RIGI: variants seen among roughly 807,000 people sequenced by gnomAD.
RIGI encodes RNA sensor RIG-I, also known as antiviral innate immune response receptor RIG-I.
At chr9:32,462,727 C>G in the RIGI span, among the ~76,000 whole-genome samples, 1 of 152,094 alleles carries the variant, frequency 6.6e-6, no homozygotes. Flanking sequence ...CCCACTCCCC[C>G]TTTTTGAGAT....
the RIGI span, among the ~76,000 whole-genome samples, chr9:32,502,307 C>T: frequency 6.6e-6 from 1 of 152,232 alleles, no homozygotes; most frequent in Non-Finnish European, 1.5e-5. Flanking sequence ...AATAGACATG[C>T]TATGAACATT....
chr9:32,482,133 A>G, the RIGI span, among the ~76,000 whole-genome samples: 1 of 150,252 alleles, frequency 6.7e-6, no homozygotes, highest in Non-Finnish European at 1.5e-5. Flanking sequence ...TGTTCTCCCT[A>G]CCTCTTGCCT....
At chr9:32,468,265 ATGTG>A in the RIGI span, among the ~76,000 whole-genome samples, 1 of 152,236 alleles carries the variant, frequency 6.6e-6, no homozygotes, top group Non-Finnish European at 1.5e-5. Context: ...ACACCTTTAC[ATGTG>A]TGTAAGAATT....
the RIGI span, chr9:32,481,412 C>T: frequency 2.5e-5 from 40 of 1,613,336 alleles, no homozygotes; most frequent in African/African-American, 5.3e-4. Context: ...GCATCTGGAA[C>T]ACCATGCATG....
the RIGI span, chr9:32,489,265 C>T: frequency 4.2e-6 from 4 of 942,674 alleles, no homozygotes; most frequent in South Asian, 1.7e-5. Flanking sequence ...TGAAACTTGC[C>T]CATTCTGTCC....
chr9:32,488,189 C>T, the RIGI span: 71 of 1,613,806 alleles, frequency 4.4e-5, no homozygotes, highest in Non-Finnish European at 5.7e-5. Flanking sequence ...TCCAGAAATG[C>T]CTGTAACTCT....
chr9:32,488,755 G>A, the RIGI span: 1 of 1,609,196 alleles, frequency 6.2e-7, no homozygotes, highest in Non-Finnish European at 8.5e-7. Flanking sequence ...AAAGTATTTT[G>A]AGAATACAGA....
the RIGI span, chr9:32,488,935 T>C: frequency 6.7e-7 from 1 of 1,500,484 alleles, no homozygotes; most frequent in Non-Finnish European, 9.0e-7. Context: ...ATATATTAGA[T>C]ATTTCTCTGG....
the RIGI span, among the ~76,000 whole-genome samples, chr9:32,503,417 A>G: frequency 6.6e-6 from 1 of 152,102 alleles, no homozygotes; most frequent in Non-Finnish European, 1.5e-5. Flanking sequence ...AGTATTTCCC[A>G]CTGCCTTTGC....
At chr9:32,521,112 C>A in the RIGI span, among the ~76,000 whole-genome samples, 1 of 120,602 alleles carries the variant, frequency 8.3e-6, no homozygotes, top group Non-Finnish European at 1.6e-5. Context: ...ACCACTGTAG[C>A]CTGGGCAACA....
chr9:32,456,656 G>A, the RIGI span: 2 of 157,850 alleles, frequency 1.3e-5, no homozygotes, highest in Non-Finnish European at 2.8e-5. Flanking sequence ...CAAATGCGCA[G>A]AGGTCAAATA....
At chr9:32,467,356 A>C in the RIGI span, among the ~76,000 whole-genome samples, 1 of 151,820 alleles carries the variant, frequency 6.6e-6, no homozygotes, top group African/African-American at 2.4e-5. Flanking sequence ...TTAAGAAGAA[A>C]AGGAAAAAGG....
At chr9:32,459,350 C>G in the RIGI span, 1 of 1,610,300 alleles carries the variant, frequency 6.2e-7, no homozygotes, top group Non-Finnish European at 8.5e-7. Context: ...TGACCAGGCA[C>G]TTTGTAAAAA....
chr9:32,504,828 TAA>T, the RIGI span, among the ~76,000 whole-genome samples: 4 of 135,650 alleles, frequency 2.9e-5, no homozygotes, highest in African/African-American at 1.1e-4. Context: ...ATTTAATACA[TAA>T]AATATATAAA....
At chr9:32,475,823 C>T in the RIGI span, among the ~76,000 whole-genome samples, 1 of 152,194 alleles carries the variant, frequency 6.6e-6, no homozygotes, top group African/African-American at 2.4e-5. Context: ...ATATACTGAA[C>T]TTTGTCAAAA....
the RIGI span, chr9:32,459,456 G>A: frequency 6.2e-7 from 1 of 1,613,468 alleles, no homozygotes. Context: ...ATCAGGTACA[G>A]GTTTTGGTTT....
chr9:32,470,419 T>C, the RIGI span, among the ~76,000 whole-genome samples: 2 of 152,222 alleles, frequency 1.3e-5, no homozygotes, highest in African/African-American at 4.8e-5. Flanking sequence ...AATACATACA[T>C]GAATGGTCAT....
At chr9:32,524,596 G>GTTTCTTTTTTT in the RIGI span, among the ~76,000 whole-genome samples, 1 of 67,580 alleles carries the variant, frequency 1.5e-5, no homozygotes, top group South Asian at 7.3e-4. Context: ...TTGTTTTTCG[G>GTTTCTTTTTTT]TTTTTTTTTT....
chr9:32,517,702 T>C, the RIGI span, among the ~76,000 whole-genome samples: 1 of 152,244 alleles, frequency 6.6e-6, no homozygotes, highest in African/African-American at 2.4e-5. Flanking sequence ...AAGACTAATT[T>C]AATGCTGTTA....
Sources: allele counts gnomAD v4.1 joint callset (sites outside exome capture counted in the v4.1 genomes callset), GRCh38; gene constraint gnomAD v4.1.1; transcripts MANE v1.5; gene names NCBI Gene and HGNC (gene_info 2026-07-23, HGNC 2026-07-21).